The following CNTN4 variants were observed in gnomAD, a reference collection of about 807,000 sequenced individuals.
The protein encoded by CNTN4 is contactin-4.
A neutral mutation model predicts 122.5 loss-of-function variants in CNTN4; 77 were observed. That is an observed-to-expected ratio of 0.63 (90% CI 0.52 to 0.76). The LOEUF (loss-of-function observed/expected upper bound fraction) is 0.76, where lower values mean the gene tolerates loss of function less well. Ranked by LOEUF, CNTN4 falls within the 30% of genes least tolerant of loss-of-function variation. CNTN4 has a pLI of 0.00. For synonymous variants in CNTN4, 512 were observed against 447.0 expected (o/e 1.15, Z -1.83); for missense variants, 1,256 against 1,259.1 (o/e 1.00, Z 0.04).
At chr3:2,277,559 C>T (rs540484032) in intron 2 of CNTN4, among the ~76,000 whole-genome samples, 1 of 152,200 alleles carries the variant, frequency 6.6e-6, no homozygotes, top group Non-Finnish European at 1.5e-5. Flanking sequence ...ACGTTCACAG[C>T]TGGACATCTT....
rs371422653 is a variant in CNTN4 at position 2,197,268 on chromosome 3, G to C, written c.-145+96629G>C. Among the ~76,000 whole-genome samples the C allele has an allele frequency of 1.5e-4, 23 of 152,266 alleles. 1 individual carries two copies. In the East Asian group the frequency reaches 3.3e-3, roughly 22 times the overall value. On this transcript the variant is annotated intron_variant, in intron 2 of 24. Transcript: ENST00000418658. ...TGCTCTGTTTACCTGGATTCATCCT[G>C]TGTATGTAGTGGAGGGTGATGGCAC...
intron 2 of CNTN4, among the ~76,000 whole-genome samples, chr3:2,183,471 C>T (rs571480359): frequency 1.1e-4 from 16 of 152,030 alleles, no homozygotes; most frequent in Admixed American, 3.3e-4. Flanking sequence ...TTTTGGGGCT[C>T]ATTTTTTGCC....
intron 2 of CNTN4, among the ~76,000 whole-genome samples, chr3:2,201,814 A>T (rs1394376437): frequency 6.6e-6 from 1 of 152,138 alleles, no homozygotes; most frequent in African/African-American, 2.4e-5. Context: ...CCCGCTTCAG[A>T]TATTATATGA....
At chr3:2,500,676 T>G (rs1251195906) in intron 3 of CNTN4, among the ~76,000 whole-genome samples, 1 of 152,142 alleles carries the variant, frequency 6.6e-6, no homozygotes, top group African/African-American at 2.4e-5. Context: ...TGTTTCTTTT[T>G]TTTCTGAAGA....
At chr3:2,111,340 CATT>C (rs1282022121) in intron 2 of CNTN4, among the ~76,000 whole-genome samples, 3 of 152,116 alleles carry the variant, frequency 2.0e-5, no homozygotes, top group African/African-American at 7.2e-5. Context: ...TTCTTTTAAA[CATT>C]AGTATTTTCA....
intron 4 of CNTN4, among the ~76,000 whole-genome samples, chr3:2,686,123 C>T (rs1279207477): frequency 1.3e-5 from 2 of 152,134 alleles, no homozygotes; most frequent in African/African-American, 2.4e-5. Flanking sequence ...CTGGAGTGGT[C>T]AGGGAGTCCT....
At chr3:2,614,991 A>G (rs2081651007) in intron 4 of CNTN4, among the ~76,000 whole-genome samples, 1 of 152,130 alleles carries the variant, frequency 6.6e-6, no homozygotes, top group African/African-American at 2.4e-5. Context: ...TGACAACACA[A>G]TTGCTGAGAA....
chr3:2,219,045 A>G (rs1559352205), intron 2 of CNTN4, among the ~76,000 whole-genome samples: 1 of 152,222 alleles, frequency 6.6e-6, no homozygotes, highest in South Asian at 2.1e-4. Flanking sequence ...AAGGGCTTGC[A>G]CATATTAGAG....
intron 6 of CNTN4, among the ~76,000 whole-genome samples, chr3:2,757,151 C>A (rs1015025696): frequency 1.4e-4 from 21 of 152,146 alleles, no homozygotes; most frequent in Middle Eastern, 3.4e-3. Flanking sequence ...ATGCATTTTC[C>A]CCTGGAGAGC....
chr3:2,395,002 G>T (rs1168284821), intron 3 of CNTN4, among the ~76,000 whole-genome samples: 1 of 152,028 alleles, frequency 6.6e-6, no homozygotes, highest in Non-Finnish European at 1.5e-5. Flanking sequence ...GGCCAGGCTG[G>T]TCTTGAAGTG....
intron 2 of CNTN4, among the ~76,000 whole-genome samples, chr3:2,291,850 C>G (rs1010647005): frequency 6.6e-6 from 1 of 152,140 alleles, no homozygotes; most frequent in Non-Finnish European, 1.5e-5. Context: ...TTTCCTGCCT[C>G]TGCCTCCCGA....
chr3:3,047,638 G>A (rs1341950202), intron 23 of CNTN4, among the ~76,000 whole-genome samples: 1 of 147,700 alleles, frequency 6.8e-6, no homozygotes, highest in Non-Finnish European at 1.5e-5. Context: ...GTGTGTAGAG[G>A]GAAATTTATA....
intron 7 of CNTN4, among the ~76,000 whole-genome samples, chr3:2,854,268 C>CTTTTTTTTTTTTTTTTTTTTTTTTTTTT (rs56147510): frequency 2.2e-5 from 2 of 90,052 alleles, no homozygotes. Flanking sequence ...CTTTCTTCTT[C>CTTTTTTTTTTTTTTTTTTTTTTTTTTTT]TTTTTTTTTT....
Position 3,034,750 on chromosome 3 carries a change from C to T in CNTN4, c.1902C>T (p.Ala634=), listed in dbSNP as rs749194382. ...HSPITMYVIQ[A]RTPFSVGWQA... is the part of the protein sequence containing the mutation. ...CCATCACCATGTATGTCATTCAAGC[C>T]AGGACTCCATTCTCCGTGGGCTGGC... The change falls in exon 17 of 25, where the codon GCC becomes GCT. Residue 634 remains alanine (A), a synonymous_variant. Coordinates refer to ENST00000418658, the MANE Select transcript of CNTN4 (RefSeq NM_175607.3). The T allele has an allele frequency of 2.5e-6, 4 of 1,614,120 alleles. No homozygotes were observed. In the Admixed American group the frequency reaches 5.0e-5, roughly 20 times the overall value.
At chr3:2,804,991 A>G (rs2092431943) in intron 6 of CNTN4, among the ~76,000 whole-genome samples, 2 of 152,006 alleles carry the variant, frequency 1.3e-5, no homozygotes, top group African/African-American at 4.8e-5. Flanking sequence ...CCTGGCCAAC[A>G]AGGTGAAATC....
At chr3:2,594,238 T>C (rs1298310051) in intron 4 of CNTN4, among the ~76,000 whole-genome samples, 6 of 152,220 alleles carry the variant, frequency 3.9e-5, no homozygotes, top group East Asian at 1.9e-4. Context: ...TGGTTTTTTT[T>C]TGACAATTTG....
At chr3:2,594,423 T>G (rs1395398553) in intron 4 of CNTN4, among the ~76,000 whole-genome samples, 2 of 150,068 alleles carry the variant, frequency 1.3e-5, no homozygotes, top group African/African-American at 2.4e-5. Context: ...GATCTTTTTT[T>G]TTTTTTTTTT....
chr3:2,613,895 A>T (rs144673992), intron 4 of CNTN4, among the ~76,000 whole-genome samples: 9 of 152,036 alleles, frequency 5.9e-5, no homozygotes, highest in Admixed American at 1.3e-4. Context: ...CACCAAATCT[A>T]TCCCTACATT....
chr3:2,945,641 G>A (rs1326890099), intron 13 of CNTN4, among the ~76,000 whole-genome samples: 2 of 152,142 alleles, frequency 1.3e-5, no homozygotes, highest in South Asian at 2.1e-4. Flanking sequence ...AAGGAAGAAA[G>A]CAAATCTGAA....
Sources: allele counts gnomAD v4.1 joint callset (sites outside exome capture counted in the v4.1 genomes callset), GRCh38; gene constraint gnomAD v4.1.1; transcripts MANE v1.5; gene names NCBI Gene and HGNC (gene_info 2026-07-23, HGNC 2026-07-21).